The following HYAL4 variants were observed in gnomAD, a reference collection of about 807,000 sequenced individuals.
HYAL4 encodes the protein hyaluronidase 4.
In HYAL4, 37 loss-of-function variants were observed where a neutral mutation model predicts 35.2. The ratio of observed to expected loss-of-function variants is 1.05; its 90% CI spans 0.81 to 1.38. HYAL4 has a LOEUF of 1.38. Among genes scored for constraint, HYAL4 ranks in the 40% most tolerant of loss-of-function variants. The pLI, the probability that HYAL4 is intolerant of heterozygous loss-of-function variation, is 0.00. For synonymous variants in HYAL4, 198 were observed against 203.2 expected, an observed-to-expected ratio of 0.97 and a Z score of 0.22; for missense variants, 572 against 572.4, an observed-to-expected ratio of 1.00 and a Z score of 0.01.
At chr7:123,768,145 G>C in the HYAL4 span, among the ~76,000 whole-genome samples, 1 of 152,062 alleles carries the variant, frequency 6.6e-6, no homozygotes, top group Non-Finnish European at 1.5e-5. Flanking sequence ...AGGAAAATAA[G>C]TAATCTCATA....
intron 1 of HYAL4, among the ~76,000 whole-genome samples, chr7:123,830,871 T>A (rs963403046): frequency 1.3e-5 from 2 of 152,218 alleles, no homozygotes; most frequent in African/African-American, 4.8e-5. Context: ...ATTAGATAGA[T>A]CTTGGCTTTT....
chr7:123,876,991 G>A lies in HYAL4; in HGVS notation c.1282G>A (p.Val428Met). ...AAAAGCATCTGATACAGACCTGGCA[G>A]TGATGGCAGATACATTTTCCTGTCA... The part of the protein sequence containing the change: ...KGKASDTDLA[V>M]MADTFSCHCY... The change falls in exon 5 of 5, where the codon GTG becomes ATG. Residue 428 changes from valine to methionine, a missense_variant. Val to Met is a conservative substitution (Grantham distance 21). Coordinates refer to ENST00000223026, the MANE Select transcript of HYAL4 (RefSeq NM_012269.3). 1 of 1,614,236 alleles carries A rather than the reference G, an allele frequency of 6.2e-7. No homozygotes were observed. Among genetic ancestry groups the A allele is most frequent in the Non-Finnish European group, 8.5e-7 (1 of 1,180,032 alleles).
upstream of HYAL4, among the ~76,000 whole-genome samples, chr7:123,825,248 T>C (rs1229211231): frequency 6.6e-6 from 1 of 152,154 alleles, no homozygotes; most frequent in Non-Finnish European, 1.5e-5. Context: ...AGGTTTCCCC[T>C]AATTGAAGCA....
chr7:123,765,371 T>G, the HYAL4 span, among the ~76,000 whole-genome samples: 5 of 152,158 alleles, frequency 3.3e-5, no homozygotes, highest in African/African-American at 1.2e-4. Flanking sequence ...TAACTATACA[T>G]TAGGGATTTT....
chr7:123,875,882 A>G (rs1807008845), intron 4 of HYAL4: 5 of 350,692 alleles, frequency 1.4e-5, no homozygotes, highest in South Asian at 1.1e-4. Flanking sequence ...ATTTTTTTGC[A>G]AGTCCATGAT....
chr7:123,785,990 A>G, the HYAL4 span, among the ~76,000 whole-genome samples: 1 of 151,564 alleles, frequency 6.6e-6, no homozygotes, highest in Non-Finnish European at 1.5e-5. This position sits in a 1 kb window ranked among gnomAD's most constrained non-coding sequence, Gnocchi z 4.5. Flanking sequence ...AACAACTACA[A>G]CTCCTTGCTA....
chr7:123,838,276 A>T (rs1433158033), intron 1 of HYAL4, among the ~76,000 whole-genome samples: 1 of 146,252 alleles, frequency 6.8e-6, no homozygotes, highest in Non-Finnish European at 1.5e-5. Context: ...ACAGAATTAT[A>T]TACAAAGAAA....
rs529334024 is a variant in HYAL4, at chr7:123,846,265, G to C, written c.-122+580G>C. ...AGGGTGGGTAGGGAAGGACCATCAGGGGGGCAGGGCTAGGCATGTGTGAGT... is the reference window on the plus strand; with the variant it reads ...AGGGTGGGTAGGGAAGGACCATCAGCGGGGCAGGGCTAGGCATGTGTGAGT... On this transcript the variant is annotated intron_variant, in intron 1 of 4. Transcript: ENST00000223026. Among the ~76,000 whole-genome samples, 1,223 of 152,082 alleles carry C rather than the reference G, an allele frequency of 8.0e-3. 7 individuals carry two copies. Among genetic ancestry groups the C allele is most frequent in the Middle Eastern group, 0.014 (4 of 294 alleles).
chr7:123,823,566 T>C, the HYAL4 span, among the ~76,000 whole-genome samples: 3 of 152,064 alleles, frequency 2.0e-5, no homozygotes, highest in East Asian at 5.8e-4. Context: ...ACTGGTGAAG[T>C]TTTCAGGTCC....
chr7:123,794,635 T>G, the HYAL4 span, among the ~76,000 whole-genome samples: 18 of 152,326 alleles, frequency 1.2e-4, no homozygotes, highest in African/African-American at 4.3e-4. Flanking sequence ...GCAGCTTACA[T>G]GTGGTTTTGA....
the HYAL4 span, among the ~76,000 whole-genome samples, chr7:123,817,715 G>A: frequency 6.6e-6 from 1 of 151,350 alleles, no homozygotes. Flanking sequence ...TCACCATTTT[G>A]GTCAGGCTGG....
chr7:123,808,479 A>G, the HYAL4 span, among the ~76,000 whole-genome samples: 1 of 149,850 alleles, frequency 6.7e-6, no homozygotes, highest in Non-Finnish European at 1.5e-5. Context: ...TCTGGTTTAG[A>G]CCATCTCAGT....
intron 1 of HYAL4, among the ~76,000 whole-genome samples, chr7:123,847,249 G>T (rs767244343): frequency 6.6e-6 from 1 of 152,042 alleles, no homozygotes; most frequent in Non-Finnish European, 1.5e-5. Flanking sequence ...TATACTTTTA[G>T]TTGTTTTCAG....
chr7:123,853,845 T>A (rs189958244), intron 2 of HYAL4, among the ~76,000 whole-genome samples: 1 of 152,198 alleles, frequency 6.6e-6, no homozygotes, highest in South Asian at 2.1e-4. Flanking sequence ...CGGATGTGAA[T>A]CCTTCTGGTC....
chr7:123,821,930 C>T, the HYAL4 span, among the ~76,000 whole-genome samples: 1 of 152,150 alleles, frequency 6.6e-6, no homozygotes, highest in Non-Finnish European at 1.5e-5. Context: ...GTTCTTGGCA[C>T]TCTTGTCAAA....
At chr7:123,820,911 CT>C in the HYAL4 span, among the ~76,000 whole-genome samples, 1 of 152,184 alleles carries the variant, frequency 6.6e-6, no homozygotes, top group African/African-American at 2.4e-5. Flanking sequence ...ATTTGTCCTT[CT>C]GTGACTGCCT....
chr7:123,855,962 T>C (rs965011923), intron 2 of HYAL4, among the ~76,000 whole-genome samples: 14 of 151,886 alleles, frequency 9.2e-5, no homozygotes, highest in Non-Finnish European at 1.8e-4. Flanking sequence ...CTTCAATCTC[T>C]GATATCCTTT....
At chr7:123,782,241 C>A in the HYAL4 span, among the ~76,000 whole-genome samples, 1 of 152,294 alleles carries the variant, frequency 6.6e-6, no homozygotes, top group East Asian at 1.9e-4. Flanking sequence ...AGGAAGCCAG[C>A]ATTCTTCAAT....
At chr7:123,800,922 A>G in the HYAL4 span, among the ~76,000 whole-genome samples, 2 of 152,032 alleles carry the variant, frequency 1.3e-5, no homozygotes, top group Non-Finnish European at 2.9e-5. Flanking sequence ...TGGCCTCCCA[A>G]AGTGCTGGGA....
Sources: allele counts gnomAD v4.1 joint callset (sites outside exome capture counted in the v4.1 genomes callset), GRCh38; gene constraint gnomAD v4.1.1; non-coding constraint Gnocchi (gnomAD v3.1); transcripts MANE v1.5; gene names NCBI Gene and HGNC (gene_info 2026-07-23, HGNC 2026-07-21).